PRKG1: variants seen among roughly 807,000 people sequenced by gnomAD.
PRKG1 encodes cGMP-dependent protein kinase 1.
PRKG1 carries 35 observed loss-of-function variants against 88.1 expected under a neutral mutation model. The observed-to-expected ratio is 0.40, with a 90% CI of 0.30 to 0.53. The LOEUF (loss-of-function observed/expected upper bound fraction) is 0.53. PRKG1 is among the 20% of genes least tolerant of loss of function. PRKG1 has a pLI of 0.59. For synonymous variants in PRKG1, 303 were observed against 292.5 expected, an observed-to-expected ratio of 1.04 and a Z score of -0.37; for missense variants, 540 against 839.8, an observed-to-expected ratio of 0.64 and a Z score of 4.41.
At chr10:51,382,194 A>G (rs1837124051) in intron 2 of PRKG1, among the ~76,000 whole-genome samples, 1 of 152,202 alleles carries the variant, frequency 6.6e-6, no homozygotes, top group South Asian at 2.1e-4. Flanking sequence ...TTAAAGAGTT[A>G]TGAATAATAT....
intron 5 of PRKG1, among the ~76,000 whole-genome samples, chr10:51,970,925 T>C (rs1843700350): frequency 6.6e-6 from 1 of 151,064 alleles, no homozygotes; most frequent in South Asian, 2.1e-4. Flanking sequence ...GTTTTGATCA[T>C]AAATGCCAAA....
chr10:52,248,160 C>G (rs1270090575), intron 9 of PRKG1, among the ~76,000 whole-genome samples: 1 of 152,174 alleles, frequency 6.6e-6, no homozygotes, highest in African/African-American at 2.4e-5. Flanking sequence ...CCAGGTGTTC[C>G]TGGCCCTCAT....
chr10:51,247,096 A>G (rs1434181958), intron 2 of PRKG1, among the ~76,000 whole-genome samples: 2 of 152,006 alleles, frequency 1.3e-5, no homozygotes, highest in Non-Finnish European at 2.9e-5. Context: ...GAATGGAGTA[A>G]TAAATGTATG....
chr10:52,129,618 A>G (rs1837202059), intron 7 of PRKG1, among the ~76,000 whole-genome samples: 1 of 152,200 alleles, frequency 6.6e-6, no homozygotes. Context: ...CGTCATGGCA[A>G]CATGAGTTTG....
chr10:51,055,283 A>T (rs962205835), intron 1 of PRKG1, among the ~76,000 whole-genome samples: 1 of 152,142 alleles, frequency 6.6e-6, no homozygotes, highest in Admixed American at 6.5e-5. Context: ...ATGCAAAATC[A>T]GAGTTAGAGG....
At chr10:51,162,638 T>A (rs1274641507) in intron 2 of PRKG1, among the ~76,000 whole-genome samples, 2 of 152,208 alleles carry the variant, frequency 1.3e-5, no homozygotes. Flanking sequence ...TTTACTGAAG[T>A]GGATTTTTTT....
intron 3 of PRKG1, among the ~76,000 whole-genome samples, chr10:51,506,858 T>G (rs1841223703): frequency 6.6e-6 from 1 of 152,092 alleles, no homozygotes; most frequent in South Asian, 2.1e-4. Context: ...ACACATATGT[T>G]TATTGCAGCA....
chr10:51,021,443 T>G (rs1385805386), intron 1 of PRKG1, among the ~76,000 whole-genome samples: 1 of 152,198 alleles, frequency 6.6e-6, no homozygotes, highest in Non-Finnish European at 1.5e-5. Context: ...TCTAGGAAAC[T>G]TTCCTATTTG....
At chr10:51,774,244 CAT>C (rs1005785278) in intron 3 of PRKG1, among the ~76,000 whole-genome samples, 8 of 152,170 alleles carry the variant, frequency 5.3e-5, no homozygotes, top group African/African-American at 1.9e-4. Flanking sequence ...CTCTATAACA[CAT>C]GTTTTTACAC....
At chr10:51,444,942 C>T (rs1057293343) in intron 2 of PRKG1, among the ~76,000 whole-genome samples, 4 of 151,848 alleles carry the variant, frequency 2.6e-5, no homozygotes, top group African/African-American at 4.8e-5. Context: ...AAATAGTCTT[C>T]ATTGTTGAAA....
intron 3 of PRKG1, among the ~76,000 whole-genome samples, chr10:51,699,950 C>G (rs1841421838): frequency 6.6e-6 from 1 of 152,268 alleles, no homozygotes; most frequent in Admixed American, 6.5e-5. Flanking sequence ...TTCCGTTCCG[C>G]TGGCGGGAAA....
intron 1 of PRKG1, among the ~76,000 whole-genome samples, chr10:51,012,756 G>A (rs2132725438): frequency 6.6e-6 from 1 of 152,292 alleles, no homozygotes; most frequent in South Asian, 2.1e-4. Flanking sequence ...AGACAAAAAA[G>A]TCAAATTGTG....
chr10:51,380,997 C>A (rs1837075222), intron 2 of PRKG1, among the ~76,000 whole-genome samples: 1 of 152,012 alleles, frequency 6.6e-6, no homozygotes, highest in Non-Finnish European at 1.5e-5. Context: ...GTCTCACTTT[C>A]ACTGTGCCTC....
At chr10:52,230,639 C>T (rs1272723001) in intron 9 of PRKG1, 1 of 152,158 alleles carries the variant, frequency 6.6e-6, no homozygotes, top group Non-Finnish European at 1.5e-5. Context: ...ATCTTCATGC[C>T]AGGCACTCAT....
intron 3 of PRKG1, among the ~76,000 whole-genome samples, chr10:51,508,555 T>TTA (rs1554817002): frequency 6.7e-6 from 1 of 150,136 alleles, no homozygotes; most frequent in Non-Finnish European, 1.5e-5. Flanking sequence ...TGACTTTTTT[T>TTA]AAAAAAAAAA....
intron 2 of PRKG1, among the ~76,000 whole-genome samples, chr10:51,404,320 C>G (rs1312698107): frequency 2.0e-5 from 3 of 152,186 alleles, no homozygotes; most frequent in Non-Finnish European, 4.4e-5. Flanking sequence ...CATGCATATT[C>G]ATAAACTTTG....
At chr10:51,138,507 A>G (rs1845740204) in intron 1 of PRKG1, among the ~76,000 whole-genome samples, 2 of 152,144 alleles carry the variant, frequency 1.3e-5, no homozygotes, top group Middle Eastern at 3.4e-3. Context: ...TATTCAATAA[A>G]TTTCTTGCAT....
intron 2 of PRKG1, among the ~76,000 whole-genome samples, chr10:51,210,397 T>C (rs1419666177): frequency 6.6e-6 from 1 of 151,852 alleles, no homozygotes; most frequent in African/African-American, 2.4e-5. Context: ...AACATCACAA[T>C]TAAAGGAACT....
chr10:51,875,231 G>T (rs1841264633), intron 4 of PRKG1, among the ~76,000 whole-genome samples: 1 of 151,890 alleles, frequency 6.6e-6, no homozygotes, highest in African/African-American at 2.4e-5. Flanking sequence ...TAGAGAAACT[G>T]CTTCATAGTG....
Sources: allele counts gnomAD v4.1 joint callset (sites outside exome capture counted in the v4.1 genomes callset), GRCh38; gene constraint gnomAD v4.1.1; transcripts MANE v1.5; gene names NCBI Gene and HGNC (gene_info 2026-07-23, HGNC 2026-07-21).